Variants in SGCD observed in about 807,000 individuals in gnomAD.
SGCD encodes delta-sarcoglycan.
A neutral mutation model predicts 36.6 loss-of-function variants in SGCD; 18 were observed. That is an observed-to-expected ratio of 0.49 (90% CI 0.34 to 0.73). The LOEUF is 0.73. SGCD is among the 30% of genes least tolerant of loss of function. The pLI is 0.01. For synonymous variants in SGCD, 133 were observed against 130.6 expected, an observed-to-expected ratio of 1.02 and a Z score of -0.12; for missense variants, 387 against 346.7, an observed-to-expected ratio of 1.12 and a Z score of -0.92.
chr5:155,922,683 C>A (rs1756901957), intron 1 of SGCD, among the ~76,000 whole-genome samples: 1 of 152,082 alleles, frequency 6.6e-6, no homozygotes, highest in Non-Finnish European at 1.5e-5. Flanking sequence ...TTCAGCACAG[C>A]CTCTTAGGTT....
intron 1 of SGCD, among the ~76,000 whole-genome samples, chr5:156,023,295 G>C (rs948159695): frequency 6.6e-6 from 1 of 152,042 alleles, no homozygotes; most frequent in African/African-American, 2.4e-5. Context: ...TTCTTTGGGG[G>C]CTTTATACCT....
chr5:155,735,448 TC>T, the SGCD span, among the ~76,000 whole-genome samples: 1 of 152,154 alleles, frequency 6.6e-6, no homozygotes, highest in African/African-American at 2.4e-5. Flanking sequence ...TTAGAGATAA[TC>T]TAGTCCAATC....
At chr5:156,730,052 C>A (rs1451369311) in intron 7 of SGCD, among the ~76,000 whole-genome samples, 2 of 152,184 alleles carry the variant, frequency 1.3e-5, no homozygotes, top group Non-Finnish European at 2.9e-5. Context: ...TTTTCTCCAC[C>A]TCCTTTCACA....
intron 3 of SGCD, among the ~76,000 whole-genome samples, chr5:156,213,068 A>C (rs1202676178): frequency 6.6e-6 from 1 of 152,064 alleles, no homozygotes; most frequent in Non-Finnish European, 1.5e-5. Flanking sequence ...TCAAATAAAC[A>C]ACCTAATTTT....
At chr5:156,027,305 C>T (rs576286825) in intron 1 of SGCD, among the ~76,000 whole-genome samples, 51 of 152,184 alleles carry the variant, frequency 3.4e-4, no homozygotes, top group East Asian at 1.2e-3. Flanking sequence ...AAGGGAGATA[C>T]GTTACGACAT....
chr5:155,802,216 C>A, the SGCD span, among the ~76,000 whole-genome samples: 2 of 152,134 alleles, frequency 1.3e-5, no homozygotes, highest in Non-Finnish European at 2.9e-5. Flanking sequence ...GCCATCTCAG[C>A]CATATCCAAA....
At chr5:155,816,194 T>C in the SGCD span, among the ~76,000 whole-genome samples, 1 of 152,148 alleles carries the variant, frequency 6.6e-6, no homozygotes, top group Non-Finnish European at 1.5e-5. Flanking sequence ...ATTACAGTGG[T>C]CTTTAATTAC....
intron 1 of SGCD, among the ~76,000 whole-genome samples, chr5:156,076,604 T>C (rs888350058): frequency 6.6e-6 from 1 of 152,334 alleles, no homozygotes; most frequent in African/African-American, 2.4e-5. Context: ...AAGTTTGATA[T>C]CTGATATTTC....
At chr5:156,355,014 A>G (rs1487553934) in intron 3 of SGCD, among the ~76,000 whole-genome samples, 3 of 152,270 alleles carry the variant, frequency 2.0e-5, no homozygotes, top group Non-Finnish European at 1.5e-5. Context: ...ATTTAAAATT[A>G]ACATTGAAGA....
intron 4 of SGCD, among the ~76,000 whole-genome samples, chr5:156,534,885 TG>T (rs1758033855): frequency 6.6e-6 from 1 of 152,210 alleles, no homozygotes; most frequent in African/African-American, 2.4e-5. Context: ...AGAGGCTTCG[TG>T]ATAGAAGAAA....
At position 156,474,081 on chromosome 5, in the gene SGCD, G is replaced by A. The variant is rs150558158; in HGVS notation, c.193-34520G>A. Among the ~76,000 whole-genome samples the A allele has an allele frequency of 8.9e-4, 134 of 151,378 alleles. 1 individual carries two copies. The highest frequency in any genetic ancestry group is 2.9e-3 in the African/African-American group (120 of 41,250). On this transcript the variant is annotated intron_variant, in intron 3 of 8. Transcript: ENST00000337851. ...TCCAGTGGGGGAGGGAGAGCACTTT[G>A]TCTCCCACAAGACACTTGGCCTGTC... is the stretch of plus-strand genomic sequence containing the variant.
chr5:156,263,514 G>A (rs1374425818), intron 3 of SGCD, among the ~76,000 whole-genome samples: 1 of 152,010 alleles, frequency 6.6e-6, no homozygotes, highest in Non-Finnish European at 1.5e-5. Flanking sequence ...GAATGCATAG[G>A]TTGTGAAGAT....
chr5:155,732,970 G>A, the SGCD span, among the ~76,000 whole-genome samples: 1 of 150,312 alleles, frequency 6.7e-6, no homozygotes, highest in South Asian at 2.1e-4. Context: ...AACTTTGCAA[G>A]CTCTTTGAGA....
chr5:156,577,958 T>A (rs539954958), intron 4 of SGCD, among the ~76,000 whole-genome samples: 2 of 152,306 alleles, frequency 1.3e-5, no homozygotes, highest in Non-Finnish European at 2.9e-5. Context: ...CTATGTTGAA[T>A]AGGAGTGGTG....
At chr5:155,976,248 T>C (rs959677203) in intron 1 of SGCD, among the ~76,000 whole-genome samples, 1 of 152,208 alleles carries the variant, frequency 6.6e-6, no homozygotes, top group African/African-American at 2.4e-5. Context: ...AAAATAGGTC[T>C]GAAGCTCAAA....
chr5:156,046,507 G>A (rs1459884022), intron 1 of SGCD, among the ~76,000 whole-genome samples: 2 of 151,940 alleles, frequency 1.3e-5, no homozygotes, highest in African/African-American at 4.8e-5. Context: ...TTGTGTCTCT[G>A]GGTCACATTT....
chr5:156,191,172 G>A (rs1028442707), intron 3 of SGCD, among the ~76,000 whole-genome samples: 8 of 152,086 alleles, frequency 5.3e-5, no homozygotes, highest in African/African-American at 4.8e-5. Flanking sequence ...AGCATTACCC[G>A]GTTCCTAGTA....
chr5:155,832,670 G>C, the SGCD span, among the ~76,000 whole-genome samples: 1 of 152,020 alleles, frequency 6.6e-6, no homozygotes, highest in African/African-American at 2.4e-5. Context: ...TACATTGATT[G>C]ATTAAATCAC....
chr5:156,010,879 T>C (rs1308144330), intron 1 of SGCD, among the ~76,000 whole-genome samples: 1 of 152,228 alleles, frequency 6.6e-6, no homozygotes, highest in African/African-American at 2.4e-5. Context: ...CATTACTGCC[T>C]TTTCCAGAAA....
Sources: gnomAD v4.1 joint callset for allele counts (sites outside exome capture counted in the v4.1 genomes callset) on GRCh38, gnomAD v4.1.1 for gene constraint, MANE v1.5 for transcripts, NCBI Gene and HGNC (gene_info 2026-07-23, HGNC 2026-07-21) for gene names.